SLC7A6: variants seen among roughly 807,000 people sequenced by gnomAD.
The protein encoded by SLC7A6 is Y+L amino acid transporter 2.
A neutral mutation model predicts 46.6 loss-of-function variants in SLC7A6; 29 were observed. The observed-to-expected ratio is 0.62, with a 90% confidence interval of 0.46 to 0.85. The LOEUF is 0.85. SLC7A6 is among the 40% of genes least tolerant of loss of function. SLC7A6 has a pLI of 0.00. For missense variants in SLC7A6, 527 were observed against 647.6 expected (o/e 0.81, Z 2.02); for synonymous variants, 276 against 257.3 (o/e 1.07, Z -0.70).
At position 68,266,630 on chromosome 16, in the gene SLC7A6, T is replaced by G. The variant is rs2042537813; in HGVS notation, c.-128T>G. 6.6e-6 allele frequency: 1 copy of G among 152,156 alleles called. No homozygotes were observed. Among genetic ancestry groups the G allele is most frequent in the South Asian group, 2.1e-4 (1 of 4,826 alleles). 9.4% of individuals were successfully genotyped at this position (152,156 alleles called of 1,614,324 possible). A position where few individuals can be genotyped will look rare whatever the true frequency, so the allele number is the denominator to read the frequency against. On this transcript the variant is annotated 5_prime_UTR_variant, in exon 2 of 11. Coordinates refer to ENST00000219343, the MANE Select transcript of SLC7A6 (RefSeq NM_003983.6). ...CGAGGCAGACAAGTGGAATTAGGCC[T>G]TGCTGCAGGGGACTTCATTTCCTTC...
chr16:68,296,773 A>G lies in SLC7A6; in HGVS notation c.1416A>G (p.Pro472=). The G allele has an allele frequency of 6.2e-7, 1 of 1,614,148 alleles. No homozygotes were observed. The highest frequency in any genetic ancestry group is 8.5e-7 in the Non-Finnish European group (1 of 1,180,030). The change falls in exon 10 of 11, where the codon CCA becomes CCG. Residue 472 remains proline, a synonymous_variant. Transcript: ENST00000219343. ...TCTACTTCATGGGTGTTTACCTGCC[A>G]GAGTCCCGGAGGCCATTGTTTATTC... ...VPFYFMGVYL[P]ESRRPLFIRN... is the part of the protein sequence containing the mutation.
In SLC7A6 at chr16:68,291,661, G is replaced by A; in HGVS notation, c.1022G>A (p.Arg341Lys). 1 of 1,613,224 alleles carries A rather than the reference G, an allele frequency of 6.2e-7. No individual in the cohort carries two copies. Among genetic ancestry groups the A allele is most frequent in the Non-Finnish European group, 8.5e-7 (1 of 1,179,286 alleles). The change falls in exon 7 of 11, where the codon AGG becomes AAG. Residue 341 changes from arginine to lysine, a missense_variant and splice_region_variant. Coordinates refer to ENST00000219343, the MANE Select transcript of SLC7A6 (RefSeq NM_003983.6). ...AATGCATCCATCTTTGCTTCATCAA[G>A]GTACTGTGTCTCTGTGTCACTGATA... The part of the protein sequence containing the change: ...GLNASIFASS[R>K]LFFVGSREGH...
chr16:68,288,751 G>T (rs1027344804), intron 4 of SLC7A6, among the ~76,000 whole-genome samples: 1 of 151,834 alleles, frequency 6.6e-6, no homozygotes, highest in Non-Finnish European at 1.5e-5. Context: ...GAATCAGCAG[G>T]TCAGGAATTC....
chr16:68,291,756 A>G (rs1459106474), intron 7 of SLC7A6, 95 bp downstream of exon 7: 1 of 705,858 alleles, frequency 1.4e-6, no homozygotes, highest in African/African-American at 2.7e-5. Flanking sequence ...TCTCATGGGC[A>G]TATAGGGTGT....
Position 68,274,904 on chromosome 16 carries a change from G to T in SLC7A6, c.178G>T (p.Gly60Cys). 1 of 1,614,168 alleles carries T rather than the reference G, an allele frequency of 6.2e-7. No homozygotes were observed. Among genetic ancestry groups the T allele is most frequent in the South Asian group, 1.1e-5 (1 of 91,080 alleles). The change falls in exon 3 of 11, where the codon GGC becomes TGC. Residue 60 changes from glycine (G) to cysteine (C), a missense_variant. By Grantham distance (159) the Gly-to-Cys change is radical (BLOSUM62 -3). Coordinates refer to ENST00000219343, the MANE Select transcript of SLC7A6 (RefSeq NM_003983.6). ...GVSLVVGNMI[G>C]SGIFVSPKGV... ...CAGCCTGGTGGTGGGCAACATGATC[G>T]GCTCAGGGATCTTTGTCTCACCCAA...
At chr16:68,273,101 C>CT (rs1348424215) in intron 2 of SLC7A6, 2 of 152,120 alleles carry the variant, frequency 1.3e-5, no homozygotes, top group East Asian at 1.9e-4. Flanking sequence ...CTAGGAGGAG[C>CT]TTTTTTACTT....
At chr16:68,289,688 T>A (rs2043008166) in intron 4 of SLC7A6, among the ~76,000 whole-genome samples, 1 of 152,178 alleles carries the variant, frequency 6.6e-6, no homozygotes, top group Non-Finnish European at 1.5e-5. Flanking sequence ...TGCTGTCCCC[T>A]GGGCTTTTGT....
At chr16:68,266,923 T>A (rs1039085814) in intron 2 of SLC7A6, among the ~76,000 whole-genome samples, 2 of 151,714 alleles carry the variant, frequency 1.3e-5, no homozygotes, top group Non-Finnish European at 2.9e-5. Context: ...TTATAAAGAG[T>A]AATTGTGGTG....
intron 3 of SLC7A6, among the ~76,000 whole-genome samples, chr16:68,275,663 G>A (rs918670139): frequency 6.6e-6 from 1 of 151,900 alleles, no homozygotes; most frequent in African/African-American, 2.4e-5. Context: ...GGAGGGGAGG[G>A]AGGCTTCTTA....
rs768916884 is a variant in SLC7A6 at position 68,274,709 on chromosome 16, G to A, written c.-18G>A. 5.6e-6 allele frequency: 9 copies of A among 1,613,598 alleles called. No homozygotes were observed. In the Admixed American group the frequency reaches 1.5e-4, roughly 27 times the overall value. On this transcript the variant is annotated 5_prime_UTR_variant, in exon 3 of 11. In the 5' UTR this introduces an upstream ATG that the reference lacks. Coordinates refer to ENST00000219343, the MANE Select transcript of SLC7A6 (RefSeq NM_003983.6). ...TTGCCAGGCCACAGCAAACACAGGT[G>A]TGCAGGAACCGTTTGTCATGGAAGC...
intron 3 of SLC7A6, among the ~76,000 whole-genome samples, chr16:68,277,983 A>G (rs1188164246): frequency 6.6e-6 from 1 of 150,624 alleles, no homozygotes; most frequent in Middle Eastern, 3.3e-3. Context: ...TCTGTCGCCT[A>G]GGCTGGAGTA....
intron 3 of SLC7A6, among the ~76,000 whole-genome samples, chr16:68,279,589 A>G (rs963609384): frequency 6.6e-6 from 1 of 152,042 alleles, no homozygotes; most frequent in East Asian, 1.9e-4. Context: ...CCCAGGCTGG[A>G]GGGCAGTGGC....
At chr16:68,297,142 AG>A in intron 10 of SLC7A6, 91 bp from the exon 11 acceptor site, 2 of 1,196,198 alleles carry the variant, frequency 1.7e-6, no homozygotes, top group East Asian at 4.7e-5. Context: ...GCAGGTGGCG[AG>A]GGAGCCATAG....
chr16:68,291,542 T>G lies in SLC7A6; in HGVS notation c.919-16T>G, dbSNP rs1445904640. ...ACCCTGTGCGTTTAAGTGCCTTTTCTGTGCCCTGCCCCCAGACATTTGCTG... is the reference window on the plus strand; with the variant it reads ...ACCCTGTGCGTTTAAGTGCCTTTTCGGTGCCCTGCCCCCAGACATTTGCTG... On this transcript the variant is annotated splice_polypyrimidine_tract_variant and intron_variant, in intron 6 of 10. Transcript: ENST00000219343. 1 of 1,613,800 alleles carries G rather than the reference T, an allele frequency of 6.2e-7. No individual in the cohort carries two copies. Among genetic ancestry groups the G allele is most frequent in the South Asian group, 1.1e-5 (1 of 91,064 alleles).
chr16:68,292,967 A>G (rs2043087656), intron 7 of SLC7A6, among the ~76,000 whole-genome samples: 2 of 152,220 alleles, frequency 1.3e-5, no homozygotes, highest in African/African-American at 4.8e-5. Flanking sequence ...TATAATAGTC[A>G]TCCAATAAAT....
In SLC7A6 at chr16:68,291,600, C is replaced by G; in HGVS notation, c.961C>G (p.Pro321Ala). Residue 321 changes from proline to alanine, a missense_variant, in exon 7 of 11, where the codon CCC (proline) becomes GCC (alanine). By Grantham distance (27) the Pro-to-Ala change is conservative. Coordinates refer to ENST00000219343, the MANE Select transcript of SLC7A6 (RefSeq NM_003983.6). ...GTTTGGCATGTTCAGCTGGACCATC[C>G]CCATTGCTGTTGCCCTGTCCTGCTT... ...QTFGMFSWTI[P>A]IAVALSCFGG... 1 of 1,614,166 alleles carries G rather than the reference C, an allele frequency of 6.2e-7. No individual in the cohort carries two copies. Among genetic ancestry groups the G allele is most frequent in the Non-Finnish European group, 8.5e-7 (1 of 1,180,032 alleles).
At chr16:68,268,620 T>A (rs1406967688) in intron 2 of SLC7A6, among the ~76,000 whole-genome samples, 2 of 152,238 alleles carry the variant, frequency 1.3e-5, no homozygotes, top group African/African-American at 4.8e-5. Context: ...TGTGGCAGTT[T>A]CGTGGTTAAA....
intron 2 of SLC7A6, among the ~76,000 whole-genome samples, chr16:68,273,301 G>T (rs751090097): frequency 1.3e-5 from 2 of 152,136 alleles, no homozygotes; most frequent in African/African-American, 2.4e-5. Context: ...GAGACTTCTG[G>T]AAAGATGATG....
intron 2 of SLC7A6, among the ~76,000 whole-genome samples, chr16:68,271,439 A>T (rs1029607747): frequency 8.4e-6 from 1 of 118,804 alleles, no homozygotes. Context: ...CTGAGTAACT[A>T]AGACTACAGG....
Sources: gnomAD v4.1 joint callset for allele counts (sites outside exome capture counted in the v4.1 genomes callset) on GRCh38, gnomAD v4.1.1 for gene constraint, MANE v1.5 for transcripts, NCBI Gene and HGNC (gene_info 2026-07-23, HGNC 2026-07-21) for gene names.